Variants in EPHX3 observed in about 807,000 individuals in gnomAD.
The protein encoded by EPHX3 is abhydrolase domain containing 9.
Under a neutral mutation model 40.2 loss-of-function variants are expected in EPHX3, and 39 were observed. The ratio of observed to expected loss-of-function variants is 0.97; its 90% confidence interval spans 0.75 to 1.27. The LOEUF (loss-of-function observed/expected upper bound fraction) is 1.27. EPHX3 is among the 50% of genes most tolerant of loss of function. The pLI is 0.00. For synonymous variants in EPHX3, 213 were observed against 209.7 expected (o/e 1.02, Z -0.14); for missense variants, 442 against 474.0 (o/e 0.93, Z 0.63).
At chr19:15,233,697 A>G (rs1345214347), upstream of EPHX3, among the ~76,000 whole-genome samples, 2 of 152,216 alleles carry the variant, frequency 1.3e-5, no homozygotes, top group African/African-American at 4.8e-5. Flanking sequence ...TCTGGCCGAA[A>G]GAGGAAGTGG....
chr19:15,231,694 G>A, intron 2 of EPHX3, 82 bp downstream of exon 2: 1 of 1,402,136 alleles, frequency 7.1e-7, no homozygotes. Context: ...GATCTATACA[G>A]CCCTCCTCCC....
chr19:15,233,742 G>A (rs2047171132), upstream of EPHX3, among the ~76,000 whole-genome samples: 1 of 152,196 alleles, frequency 6.6e-6, no homozygotes, highest in Admixed American at 6.5e-5. Context: ...TAGAGTCACA[G>A]AGCCTTGCGG....
intron 4 of EPHX3, among the ~76,000 whole-genome samples, chr19:15,230,525 G>C (rs965173294): frequency 6.6e-6 from 1 of 151,730 alleles, no homozygotes; most frequent in African/African-American, 2.4e-5. Context: ...TTGTTGCCTA[G>C]GCTGGAGTGC....
At position 15,231,979 on chromosome 19, in the gene EPHX3, A is replaced by C. The variant is rs770694483; in HGVS notation, c.233T>G (p.Leu78Arg). ...CCCCCGTGCGATCACCTTGAGGTTCAGGAAACCGTGCTCACCCAGCGAGGG... is the reference window on the plus strand; with the variant it reads ...CCCCCGTGCGATCACCTTGAGGTTCCGGAAACCGTGCTCACCCAGCGAGGG... Reference protein sequence around the residue: ...SDPSLGEHGFLNLKSSGLRLH... With the variant: ...SDPSLGEHGFRNLKSSGLRLH... Residue 78 changes from leucine (L) to arginine (R), a missense_variant, in exon 1 of 7, where the codon CTG (leucine) becomes CGG (arginine). Leu to Arg is a moderately radical substitution (Grantham distance 102, BLOSUM62 -2). Coordinates refer to ENST00000221730, the MANE Select transcript of EPHX3 (RefSeq NM_024794.3). 1 of 1,611,356 alleles carries C rather than the reference A, an allele frequency of 6.2e-7. No homozygotes were observed. Among genetic ancestry groups the C allele is most frequent in the South Asian group, 1.1e-5 (1 of 91,044 alleles).
upstream of EPHX3, among the ~76,000 whole-genome samples, chr19:15,235,002 T>C (rs1333715523): frequency 6.6e-6 from 1 of 152,142 alleles, no homozygotes; most frequent in Non-Finnish European, 1.5e-5. Context: ...GGGGGTTTTT[T>C]TGTTTTTGTT....
rs1486843322 is a variant in EPHX3 at position 15,231,255 on chromosome 19, A to G, written c.471T>C (p.Asp157=). ...TIDLLLVDIK[D]VILGLGYSKC... is the part of the protein sequence containing the mutation. ...TGTCTGCACCCAGGCCTAGGATGAC[A>G]TCTTTGATGTCCACCAGCAGCAGGT... The change falls in exon 3 of 7, where the codon GAT becomes GAC. Residue 157 remains aspartate (D), a synonymous_variant. Transcript: ENST00000221730. The G allele has an allele frequency of 1.9e-6, 3 of 1,613,984 alleles. No individual in the cohort carries two copies. Among genetic ancestry groups the G allele is most frequent in the Non-Finnish European group, 2.5e-6 (3 of 1,179,994 alleles).
upstream of EPHX3, chr19:15,236,703 G>A (rs1454051650): frequency 1.2e-5 from 2 of 170,518 alleles, no homozygotes; most frequent in Admixed American, 6.4e-5. Context: ...GGCAGACAGG[G>A]ACAGGTCACA....
Position 15,231,990 on chromosome 19 carries a change from C to G in EPHX3, c.222G>C (p.Glu74Asp). The change falls in exon 1 of 7, where the codon GAG becomes GAC. Residue 74 changes from glutamate (E) to aspartate (D), a missense_variant. Glu to Asp is a conservative substitution (Grantham distance 45). Transcript: ENST00000221730. ...TCACCTTGAGGTTCAGGAAACCGTG[C>G]TCACCCAGCGAGGGGTCGCTCAGGC... ...PACLSDPSLG[E>D]HGFLNLKSSG... 1 of 1,610,070 alleles carries G rather than the reference C, an allele frequency of 6.2e-7. No homozygotes were observed. The highest frequency in any genetic ancestry group is 8.5e-7 in the Non-Finnish European group (1 of 1,179,678).
chr19:15,229,108 G>A (rs543506406), intron 4 of EPHX3, among the ~76,000 whole-genome samples: 53 of 152,320 alleles, frequency 3.5e-4, no homozygotes, highest in African/African-American at 1.1e-3. Context: ...GGCTGGGTGC[G>A]GTGGCTCACG....
At position 15,232,128 on chromosome 19, in the gene EPHX3, C is replaced by T; in HGVS notation, c.84G>A (p.Val28=). 39 of 1,541,614 alleles carry T rather than the reference C, an allele frequency of 2.5e-5. No individual in the cohort carries two copies. The highest frequency in any genetic ancestry group is 3.4e-5 in the Non-Finnish European group (39 of 1,150,884). Residue 28 remains valine (V), a synonymous_variant, in exon 1 of 7, where the codon GTG becomes GTA. Transcript: ENST00000221730. ...KLLRAFMWSL[V]FSVALVAAAV... is the part of the protein sequence containing the mutation. ...CCGCGGCCACCAGCGCCACCGAGAA[C>T]ACCAGGCTCCACATGAAGGCGCGCA...
chr19:15,231,355 A>G lies in EPHX3; in HGVS notation c.371T>C (p.Phe124Ser). Residue 124 changes from phenylalanine to serine, a missense_variant, in exon 3 of 7, where the codon TTC becomes TCC. By Grantham distance (155) the Phe-to-Ser change is radical. Coordinates refer to ENST00000221730, the MANE Select transcript of EPHX3 (RefSeq NM_024794.3). Reference sequence around the variant, plus strand: ...TCGCAAGTCCACAGCCACAACATGGAAGCGGCTCTGGAACTCCCGGAGCTG... The same window carrying G: ...TCGCAAGTCCACAGCCACAACATGGGAGCGGCTCTGGAACTCCCGGAGCTG... ...RYQLREFQSR[F>S]HVVAVDLRGY... 1 of 1,613,908 alleles carries G rather than the reference A, an allele frequency of 6.2e-7. No homozygotes were observed. The highest frequency in any genetic ancestry group is 1.3e-5 in the African/African-American group (1 of 75,020).
chr19:15,228,503 A>ATTTTTTTTT lies in EPHX3; in HGVS notation c.617-412_617-404dup, dbSNP rs780716729. Reference sequence around the variant, plus strand: ...ACTTAAGGAAACCCCTGTATCTATAATTTTTTTTTTTTTTTTTTTTTTTTT... The same window carrying ATTTTTTTTT: ...ACTTAAGGAAACCCCTGTATCTATAATTTTTTTTTTTTTTTTTTTTTTTTTTTTTTTTTT... On this transcript the variant is annotated intron_variant, in intron 4 of 6. Coordinates refer to ENST00000221730, the MANE Select transcript of EPHX3 (RefSeq NM_024794.3). Among the ~76,000 whole-genome samples, 6 of 62,700 alleles carry ATTTTTTTTT rather than the reference A, an allele frequency of 9.6e-5. 1 individual carries two copies. The highest frequency in any genetic ancestry group is 1.6e-4 in the Non-Finnish European group (6 of 37,188). 41.1% of individuals were successfully genotyped at this position (62,700 alleles called of 152,430 possible).
At chr19:15,231,535 A>C in intron 2 of EPHX3, 139 bp from the exon 3 acceptor site, 1 of 1,222,452 alleles carries the variant, frequency 8.2e-7, no homozygotes, top group Non-Finnish European at 1.1e-6. Flanking sequence ...TCCCAGGCAG[A>C]GGCAGAGGCT....
At position 15,229,885 on chromosome 19, in the gene EPHX3, C is replaced by CAA. The variant is rs546876108; in HGVS notation, c.616+1075_616+1076dup. Reference sequence around the variant, plus strand: ...CTGGCGACAGAGCAAGACTCTGTCTCAAAAAAAAAAAAAAAAAAAAAAAAA... The same window carrying CAA: ...CTGGCGACAGAGCAAGACTCTGTCTCAAAAAAAAAAAAAAAAAAAAAAAAAAA... On this transcript the variant is annotated intron_variant, in intron 4 of 6. Transcript: ENST00000221730. 7.5e-4 allele frequency among the ~76,000 whole-genome samples: 7 copies of CAA among 9,370 alleles called. 1 individual carries two copies. The highest frequency in any genetic ancestry group is 1.4e-3 in the African/African-American group (4 of 2,858). The allele number at this position is 9,370 out of a possible 152,430, so 6.1% of individuals were successfully genotyped here.
At chr19:15,228,238 C>G in intron 4 of EPHX3, 138 bp from the exon 5 acceptor site, 4 of 668,660 alleles carry the variant, frequency 6.0e-6, no homozygotes, top group South Asian at 1.9e-5. Flanking sequence ...TGTGAAGGTA[C>G]TAGATACCCC....
Position 15,231,840 on chromosome 19 carries a change from A to G in EPHX3, c.265T>C (p.Tyr89His). ...CCGTTACCTCGTCCAGCCGAGACAT[A>G]GTGCAGACGCAGGCCCGAGCTCTAG... ...NLKSSGLRLH[Y>H]VSAGRGNGPL... is the part of the protein sequence containing the mutation. The change falls in exon 2 of 7, where the codon TAT becomes CAT. Residue 89 changes from tyrosine to histidine, a missense_variant. Transcript: ENST00000221730. 2 of 1,613,914 alleles carry G rather than the reference A, an allele frequency of 1.2e-6. No individual in the cohort carries two copies. Among genetic ancestry groups the G allele is most frequent in the African/African-American group, 1.3e-5 (1 of 75,054 alleles).
In EPHX3 at chr19:15,230,281, G is replaced by A. The variant is rs539403915; in HGVS notation, c.616+681C>T. ...CTTCTCAGGTTCAAGTGATTCTCTT[G>A]CCTCAGCCTCCCGAGTAGCTGAGAC... On this transcript the variant is annotated intron_variant, in intron 4 of 6. Coordinates refer to ENST00000221730, the MANE Select transcript of EPHX3 (RefSeq NM_024794.3). Among the ~76,000 whole-genome samples the A allele has an allele frequency of 2.1e-3, 314 of 152,164 alleles. 1 individual carries two copies. Among genetic ancestry groups the A allele is most frequent in the African/African-American group, 7.3e-3 (301 of 41,484 alleles).
upstream of EPHX3, chr19:15,233,318 G>T (rs1421189548): frequency 2.0e-5 from 3 of 152,524 alleles, no homozygotes; most frequent in African/African-American, 7.2e-5. Flanking sequence ...GCTTCGGGAG[G>T]CCCGGCCGAC....
upstream of EPHX3, chr19:15,236,549 G>A (rs889080163): frequency 6.5e-6 from 1 of 152,792 alleles, no homozygotes; most frequent in African/African-American, 2.4e-5. Context: ...AGGGTGGAGG[G>A]GAAGAATACT....
Sources: gnomAD v4.1 joint callset for allele counts (sites outside exome capture counted in the v4.1 genomes callset) on GRCh38, gnomAD v4.1.1 for gene constraint, MANE v1.5 for transcripts, NCBI Gene and HGNC (gene_info 2026-07-23, HGNC 2026-07-21) for gene names.